The following IGFBP7 variants were observed in gnomAD, a reference collection of about 807,000 sequenced individuals.
The protein encoded by IGFBP7 is insulin-like growth factor-binding protein 7.
Under a neutral mutation model 29.4 loss-of-function variants are expected in IGFBP7, and 31 were observed. The observed-to-expected ratio is 1.05, with a 90% CI of 0.79 to 1.42. The LOEUF (loss-of-function observed/expected upper bound fraction) is 1.42. Ranked by LOEUF, IGFBP7 falls within the 40% of genes most tolerant of loss-of-function variation. IGFBP7 has a pLI of 0.00. For missense variants in IGFBP7, 393 were observed against 395.5 expected, an observed-to-expected ratio of 0.99 and a Z score of 0.05; for synonymous variants, 172 against 174.9, an observed-to-expected ratio of 0.98 and a Z score of 0.13.
At chr4:57,054,143 G>A (rs901771128) in intron 1 of IGFBP7, among the ~76,000 whole-genome samples, 1 of 152,050 alleles carries the variant, frequency 6.6e-6, no homozygotes, top group African/African-American at 2.4e-5. Context: ...CAACCACCAA[G>A]CCTGGCTAGG....
chr4:57,070,671 G>A (rs1725032648), intron 1 of IGFBP7, among the ~76,000 whole-genome samples: 1 of 152,162 alleles, frequency 6.6e-6, no homozygotes, highest in African/African-American at 2.4e-5. Context: ...AACCATAACT[G>A]TTCTCAAATC....
intron 1 of IGFBP7, among the ~76,000 whole-genome samples, chr4:57,062,285 C>A (rs10028733): frequency 8.6e-5 from 13 of 151,970 alleles, no homozygotes; most frequent in African/African-American, 3.1e-4. Context: ...AACTAGATTA[C>A]AGAGGTTTTC....
At chr4:57,092,223 A>T (rs1384566052) in intron 1 of IGFBP7, among the ~76,000 whole-genome samples, 1 of 152,224 alleles carries the variant, frequency 6.6e-6, no homozygotes, top group South Asian at 2.1e-4. Context: ...ATGAACCTCA[A>T]TTCAATTATG....
intron 1 of IGFBP7, among the ~76,000 whole-genome samples, chr4:57,050,406 G>A (rs994682064): frequency 5.3e-5 from 8 of 151,994 alleles, no homozygotes; most frequent in East Asian, 1.9e-4. Context: ...CACCATGCCC[G>A]GCTGATTTTT....
intron 1 of IGFBP7, among the ~76,000 whole-genome samples, chr4:57,062,791 A>G (rs1277295): frequency 0.92 from 140,524 of 152,278 alleles, 64,988 homozygotes; most frequent in East Asian, 1. Context: ...GTTAACACTT[A>G]GTAAACACTC....
chr4:57,054,545 A>C (rs1240966915), intron 1 of IGFBP7, among the ~76,000 whole-genome samples: 1 of 150,904 alleles, frequency 6.6e-6, no homozygotes, highest in African/African-American at 2.4e-5. Context: ...AGGCTGAGGC[A>C]GAAGAATTGT....
At chr4:57,032,194 C>G (rs1453458867) in intron 4 of IGFBP7, 1 of 1,115,018 alleles carries the variant, frequency 9.0e-7, no homozygotes, top group African/African-American at 1.6e-5. Flanking sequence ...TTGACTCTTA[C>G]ATGTTAGATA....
Position 57,109,886 on chromosome 4 carries a change from A to AG in IGFBP7, c.465dup (p.Cys156LeufsTer27). On this transcript the variant is annotated frameshift_variant, in exon 1 of 5. Transcript: ENST00000295666. LOFTEE classifies it high-confidence loss of function. ...AAGCGCTCGTGCCCACCTTGCTCGC[A>AG]GGTGCCCTTGCTGACCTGGGTGATG... 1 of 1,547,070 alleles carries AG rather than the reference A, an allele frequency of 6.5e-7. No homozygotes were observed. The highest frequency in any genetic ancestry group is 8.7e-7 in the Non-Finnish European group (1 of 1,152,426).
intron 1 of IGFBP7, among the ~76,000 whole-genome samples, chr4:57,104,546 T>G (rs1725975088): frequency 6.6e-6 from 1 of 152,224 alleles, no homozygotes; most frequent in Admixed American, 6.5e-5. Flanking sequence ...TAGTAGAACA[T>G]GGACATTTAA....
At chr4:57,105,758 A>C (rs1016001051) in intron 1 of IGFBP7, among the ~76,000 whole-genome samples, 3 of 152,176 alleles carry the variant, frequency 2.0e-5, no homozygotes, top group African/African-American at 7.2e-5. Flanking sequence ...TACACAGTAC[A>C]CGTGGAATAA....
chr4:57,073,711 C>A (rs1914740), intron 1 of IGFBP7, among the ~76,000 whole-genome samples: 5 of 152,186 alleles, frequency 3.3e-5, no homozygotes, highest in South Asian at 2.1e-4. Flanking sequence ...CAAACAGCCC[C>A]CTAAGCTTCC....
chr4:57,079,167 TC>T (rs2109784410), intron 1 of IGFBP7, among the ~76,000 whole-genome samples: 1 of 50,604 alleles, frequency 2.0e-5, no homozygotes, highest in Non-Finnish European at 7.3e-5. Flanking sequence ...TTTGCTGTCT[TC>T]TTGTTAAACA....
At chr4:57,037,099 A>T (rs1443530049) in intron 2 of IGFBP7, among the ~76,000 whole-genome samples, 2 of 152,230 alleles carry the variant, frequency 1.3e-5, no homozygotes, top group Non-Finnish European at 2.9e-5. Context: ...ATGCCTTAAC[A>T]TAGGTTCTGT....
chr4:57,033,054 G>A (rs1482979721), intron 3 of IGFBP7, 141 bp downstream of exon 3: 5 of 744,386 alleles, frequency 6.7e-6, no homozygotes, highest in South Asian at 2.8e-5. Context: ...GAGGAGCAGC[G>A]ACTCCATGGT....
At chr4:57,033,002 CA>C in intron 3 of IGFBP7, among the ~76,000 whole-genome samples, 192 bp downstream of exon 3, 1 of 152,094 alleles carries the variant, frequency 6.6e-6, no homozygotes, top group Non-Finnish European at 1.5e-5. Context: ...TGGTTGTTTT[CA>C]AAACATGCAA....
intron 1 of IGFBP7, among the ~76,000 whole-genome samples, chr4:57,060,089 A>G (rs781429837): frequency 5.3e-5 from 8 of 152,236 alleles, no homozygotes; most frequent in East Asian, 1.9e-4. Flanking sequence ...GGGATTTACA[A>G]TCAGGAAGTG....
intron 1 of IGFBP7, among the ~76,000 whole-genome samples, chr4:57,057,281 A>G (rs1724697211): frequency 6.6e-6 from 1 of 152,192 alleles, no homozygotes; most frequent in Non-Finnish European, 1.5e-5. Context: ...AAGCGTTGGG[A>G]TTACATGTGT....
chr4:57,074,132 C>T (rs1418922957), intron 1 of IGFBP7, among the ~76,000 whole-genome samples: 1 of 152,168 alleles, frequency 6.6e-6, no homozygotes, highest in African/African-American at 2.4e-5. Context: ...GCAATCCCAG[C>T]TCACTACAAC....
intron 4 of IGFBP7, 107 bp downstream of exon 4, chr4:57,032,319 T>G (rs1723951110): frequency 6.6e-7 from 1 of 1,505,908 alleles, no homozygotes; most frequent in Non-Finnish European, 8.9e-7. Flanking sequence ...GGTTGCTAAC[T>G]ACAGAATTTC....
Sources: allele counts gnomAD v4.1 joint callset (sites outside exome capture counted in the v4.1 genomes callset), GRCh38; gene constraint gnomAD v4.1.1; transcripts MANE v1.5; gene names NCBI Gene and HGNC (gene_info 2026-07-23, HGNC 2026-07-21).